The following ATP10D variants were observed in gnomAD, a reference collection of about 807,000 sequenced individuals.
ATP10D encodes phospholipid-transporting ATPase VD.
In ATP10D, 89 loss-of-function variants were observed where a neutral mutation model predicts 144.8. The observed-to-expected ratio is 0.61, with a 90% CI of 0.52 to 0.73. ATP10D has a LOEUF of 0.73. Among genes scored for constraint, ATP10D ranks in the 30% least tolerant of loss-of-function variants. The pLI, the probability that ATP10D is intolerant of heterozygous loss-of-function variation, is 0.00. For missense variants in ATP10D, 1,603 were observed against 1,714.8 expected (o/e 0.93, Z 1.15); for synonymous variants, 571 against 615.1 (o/e 0.93, Z 1.06).
At chr4:47,519,006 A>C (rs2109406254) in intron 3 of ATP10D, among the ~76,000 whole-genome samples, 1 of 152,336 alleles carries the variant, frequency 6.6e-6, no homozygotes, top group Non-Finnish European at 1.5e-5. Flanking sequence ...ATTGATTCAA[A>C]AATTAAATAA....
At position 47,523,178 on chromosome 4, in the gene ATP10D, T is replaced by G; in HGVS notation, c.652T>G (p.Leu218Val). 1.2e-6 allele frequency: 2 copies of G among 1,614,080 alleles called. No homozygotes were observed. The highest frequency in any genetic ancestry group is 1.7e-6 in the Non-Finnish European group (2 of 1,180,006). The change falls in exon 4 of 23, where the codon TTA becomes GTA. Residue 218 changes from leucine (L) to valine (V), a missense_variant. By Grantham distance (32) the Leu-to-Val change is conservative. Coordinates refer to ENST00000273859, the MANE Select transcript of ATP10D (RefSeq NM_020453.4). Reference sequence around the variant, plus strand: ...TTCTGGTCTTGATGGAGAGAGCAATTTAAAACAGAGGCAGGTGGTTCGGGG... The same window carrying G: ...TTCTGGTCTTGATGGAGAGAGCAATGTAAAACAGAGGCAGGTGGTTCGGGG... ...ETSGLDGESN[L>V]KQRQVVRGYA...
intron 1 of ATP10D, among the ~76,000 whole-genome samples, chr4:47,493,264 A>G (rs1427120595): frequency 6.6e-6 from 1 of 152,200 alleles, no homozygotes; most frequent in Non-Finnish European, 1.5e-5. Flanking sequence ...TTTAATGGTA[A>G]TGACTTCATG....
At position 47,546,719 on chromosome 4, in the gene ATP10D, G is replaced by A. The variant is rs946132651; in HGVS notation, c.1492G>A (p.Ala498Thr). ...GSLSNMAKPR[A>T]PSCRTVHNGP... ...CCTCAGCAATATGGCAAAACCGAGA[G>A]CCCCCAGCTGCAGGACAGTTCATAA... The change falls in exon 10 of 23, where the codon GCC becomes ACC. Residue 498 changes from alanine (A) to threonine (T), a missense_variant. By Grantham distance (58) the Ala-to-Thr change is moderately conservative (BLOSUM62 0). Transcript: ENST00000273859. 2 of 1,614,116 alleles carry A rather than the reference G, an allele frequency of 1.2e-6. No homozygotes were observed. The highest frequency in any genetic ancestry group is 8.5e-7 in the Non-Finnish European group (1 of 1,179,984).
Position 47,580,328 on chromosome 4 carries a change from G to T in ATP10D, c.3568-70G>T, listed in dbSNP as rs1017388408. 6 of 1,208,340 alleles carry T rather than the reference G, an allele frequency of 5.0e-6. No homozygotes were observed. In the East Asian group the frequency reaches 1.4e-4, roughly 28 times the overall value. The allele number at this position is 1,208,340 out of a possible 1,614,324, so 74.9% of individuals were successfully genotyped here. A position where few individuals can be genotyped will look rare whatever the true frequency, so the allele number is the denominator to read the frequency against. ...TCTCAGAGAAACAAATGTAAGTACT[G>T]GCTTGTGTTGTTTCTTTTCTTGGAC... is the stretch of plus-strand genomic sequence containing the variant. On this transcript the variant is annotated intron_variant, in intron 19 of 22. Transcript: ENST00000273859.
At chr4:47,540,365 G>T (rs1453565009) in intron 9 of ATP10D, among the ~76,000 whole-genome samples, 4 of 152,112 alleles carry the variant, frequency 2.6e-5, no homozygotes, top group African/African-American at 9.7e-5. Flanking sequence ...TTCGAAATGT[G>T]TTCCATGTAC....
rs1394524135 is a variant in ATP10D at position 47,591,152 on chromosome 4, G to A, written c.4052G>A (p.Arg1351Lys). ...EERTKALKKW[R>K]GAGKMNQVTS... ...AGGACTAAAGCTCTCAAGAAGTGGA[G>A]AGGGGCTGGAAAGATGAATCAAGTG... The change falls in exon 23 of 23, where the codon AGA becomes AAA. Residue 1351 changes from arginine (R) to lysine (K), a missense_variant. Physicochemically the swap from Arg to Lys is conservative, Grantham distance 26. Coordinates refer to ENST00000273859, the MANE Select transcript of ATP10D (RefSeq NM_020453.4). The A allele has an allele frequency of 6.2e-7, 1 of 1,613,602 alleles. No homozygotes were observed. The highest frequency in any genetic ancestry group is 8.5e-7 in the Non-Finnish European group (1 of 1,179,654).
intron 14 of ATP10D, among the ~76,000 whole-genome samples, chr4:47,563,165 CA>C: frequency 6.6e-6 from 1 of 152,256 alleles, no homozygotes; most frequent in Non-Finnish European, 1.5e-5. Context: ...GCCCAGATTT[CA>C]CCCCTACACA....
At chr4:47,547,644 C>CA (rs1413603993) in intron 10 of ATP10D, 1 of 143,930 alleles carries the variant, frequency 6.9e-6, no homozygotes, top group Non-Finnish European at 1.5e-5. Context: ...ATAATACCTA[C>CA]AAAATAGGTG....
At chr4:47,527,385 T>C (rs1420521586) in intron 5 of ATP10D, among the ~76,000 whole-genome samples, 1 of 152,130 alleles carries the variant, frequency 6.6e-6, no homozygotes, top group Non-Finnish European at 1.5e-5. Flanking sequence ...TTTTACTTTG[T>C]ATTATGCAAA....
intron 10 of ATP10D, among the ~76,000 whole-genome samples, chr4:47,553,331 A>G (rs1035077271): frequency 6.6e-6 from 1 of 152,214 alleles, no homozygotes; most frequent in Non-Finnish European, 1.5e-5. Context: ...ATGAATGGCT[A>G]TGAACTCCAT....
intron 9 of ATP10D, among the ~76,000 whole-genome samples, chr4:47,539,676 G>A (rs1718033721): frequency 6.6e-6 from 1 of 152,140 alleles, no homozygotes; most frequent in Admixed American, 6.6e-5. Flanking sequence ...CCTCTATAGT[G>A]CATTTGTGAG....
chr4:47,513,812 A>C (rs1026644493), intron 2 of ATP10D, among the ~76,000 whole-genome samples: 1 of 152,246 alleles, frequency 6.6e-6, no homozygotes, highest in Non-Finnish European at 1.5e-5. Context: ...TCAGTATTTC[A>C]CTATGGAAGC....
chr4:47,573,906 AG>A (rs922606464), intron 18 of ATP10D, among the ~76,000 whole-genome samples: 15 of 152,140 alleles, frequency 9.9e-5, no homozygotes, highest in African/African-American at 3.6e-4. Context: ...CCTATAGCAC[AG>A]TACACTTTTC....
Position 47,591,547 on chromosome 4 carries a change from T to C in ATP10D, c.*166T>C, listed in dbSNP as rs191401148. 145 of 547,028 alleles carry C rather than the reference T, an allele frequency of 2.7e-4. No homozygotes were observed. The highest frequency in any genetic ancestry group is 6.3e-4 in the Admixed American group (18 of 28,624). The allele number at this position is 547,028 out of a possible 1,614,324, so 33.9% of individuals were successfully genotyped here. The stretch of plus-strand genomic sequence containing the variant: ...ATTATTGTATGTTTGTATATACATT[T>C]GTGATAGAGGGCTAGAGTTTGACCT... On this transcript the variant is annotated 3_prime_UTR_variant, in exon 23 of 23. Transcript: ENST00000273859.
intron 15 of ATP10D, among the ~76,000 whole-genome samples, chr4:47,568,076 G>A (rs1445101900): frequency 1.3e-5 from 2 of 152,208 alleles, no homozygotes; most frequent in Admixed American, 1.3e-4. Flanking sequence ...AGTACCTGAT[G>A]TGATCCTCTT....
At chr4:47,515,091 G>T (rs1716558824) in intron 2 of ATP10D, among the ~76,000 whole-genome samples, 1 of 152,046 alleles carries the variant, frequency 6.6e-6, no homozygotes, top group Non-Finnish European at 1.5e-5. Context: ...CTCCTGAGTA[G>T]CTGGGACCAC....
chr4:47,525,497 A>G (rs1465565569), intron 4 of ATP10D, 60 bp from the exon 5 acceptor site: 1 of 1,184,716 alleles, frequency 8.4e-7, no homozygotes, highest in Non-Finnish European at 1.3e-6. Context: ...GTGATAAAAC[A>G]CTTCAATATT....
chr4:47,488,966 A>G (rs933186320), intron 1 of ATP10D, among the ~76,000 whole-genome samples: 8 of 152,344 alleles, frequency 5.3e-5, no homozygotes, highest in African/African-American at 1.9e-4. Flanking sequence ...TGGCGCCTTG[A>G]TTTTGGACTT....
intron 5 of ATP10D, among the ~76,000 whole-genome samples, chr4:47,529,376 C>T (rs182162680): frequency 5.9e-5 from 9 of 152,206 alleles, no homozygotes; most frequent in Admixed American, 2.6e-4. Context: ...ATTTTCCCAG[C>T]GCCATTTATT....
Sources: allele counts gnomAD v4.1 joint callset (sites outside exome capture counted in the v4.1 genomes callset), GRCh38; gene constraint gnomAD v4.1.1; transcripts MANE v1.5; gene names NCBI Gene and HGNC (gene_info 2026-07-23, HGNC 2026-07-21).